FILIP1: variants seen among roughly 807,000 people sequenced by gnomAD.
FILIP1 encodes filamin A interacting protein 1.
In FILIP1, 61 loss-of-function variants were observed where a neutral mutation model predicts 102.1. The ratio of observed to expected loss-of-function variants is 0.60; its 90% confidence interval spans 0.49 to 0.74. The LOEUF (loss-of-function observed/expected upper bound fraction) is 0.74, where lower values mean the gene tolerates loss of function less well. Ranked by LOEUF, FILIP1 falls within the 30% of genes least tolerant of loss-of-function variation. FILIP1 has a pLI of 0.00. For missense variants in FILIP1, 1,314 were observed against 1,441.2 expected, an observed-to-expected ratio of 0.91 and a Z score of 1.43; for synonymous variants, 491 against 526.9, an observed-to-expected ratio of 0.93 and a Z score of 0.93.
chr6:75,330,405 T>C (rs893628840), intron 4 of FILIP1, among the ~76,000 whole-genome samples: 11 of 152,160 alleles, frequency 7.2e-5, no homozygotes, highest in African/African-American at 2.7e-4. Flanking sequence ...TACACTTTTT[T>C]TCTCCTCTTG....
intron 1 of FILIP1, among the ~76,000 whole-genome samples, chr6:75,460,765 T>A (rs965935633): frequency 6.6e-6 from 1 of 152,168 alleles, no homozygotes; most frequent in African/African-American, 2.4e-5. Flanking sequence ...CAAGACAATA[T>A]GGCCAAAAGA....
chr6:75,308,617 T>G lies in FILIP1; in HGVS notation c.*74A>C. On this transcript the variant is annotated 3_prime_UTR_variant, in exon 6 of 6. Transcript: ENST00000237172. The stretch of plus-strand genomic sequence containing the variant: ...ACTTAAATTAGTACATGTAAAGAAC[T>G]GGCACAAACAGATGAAGGTTCACTT... 1 of 1,586,628 alleles carries G rather than the reference T, an allele frequency of 6.3e-7. No homozygotes were observed. Among genetic ancestry groups the G allele is most frequent in the South Asian group, 1.1e-5 (1 of 87,952 alleles).
chr6:75,391,399 C>T (rs778195686), intron 2 of FILIP1, among the ~76,000 whole-genome samples: 8 of 152,096 alleles, frequency 5.3e-5, no homozygotes, highest in African/African-American at 7.2e-5. Context: ...TATATTCCTT[C>T]GGTCCACTCT....
intron 1 of FILIP1, among the ~76,000 whole-genome samples, chr6:75,476,739 T>A (rs773301538): frequency 5.3e-5 from 8 of 152,224 alleles, no homozygotes; most frequent in African/African-American, 1.7e-4. Flanking sequence ...TTACAACCCT[T>A]GTACTTACAC....
At chr6:75,454,229 G>A (rs1236755077) in intron 1 of FILIP1, among the ~76,000 whole-genome samples, 1 of 152,138 alleles carries the variant, frequency 6.6e-6, no homozygotes, top group African/African-American at 2.4e-5. Context: ...TTTTATGGAT[G>A]TCAGTGGAGA....
At chr6:75,408,428 G>A (rs1331606818) in intron 2 of FILIP1, among the ~76,000 whole-genome samples, 2 of 152,160 alleles carry the variant, frequency 1.3e-5, no homozygotes, top group African/African-American at 4.8e-5. Flanking sequence ...AGGAGTTCAC[G>A]GGATACCTGG....
intron 2 of FILIP1, among the ~76,000 whole-genome samples, chr6:75,404,492 G>T (rs1776768125): frequency 6.6e-6 from 1 of 152,092 alleles, no homozygotes; most frequent in Non-Finnish European, 1.5e-5. Context: ...TTACACGCAG[G>T]CTTCTAAACA....
chr6:75,313,357 C>G lies in FILIP1; in HGVS notation c.2475G>C (p.Arg825=). The G allele has an allele frequency of 6.2e-7, 1 of 1,614,222 alleles. No individual in the cohort carries two copies. The highest frequency in any genetic ancestry group is 8.5e-7 in the Non-Finnish European group (1 of 1,180,042). ...TATGATTTTCTTCCTGGAAGGATTTCCGTATGAATACAGCTGGCGTTTCTT... is the reference window on the plus strand; with the variant it reads ...TATGATTTTCTTCCTGGAAGGATTTGCGTATGAATACAGCTGGCGTTTCTT... ...AEEETPAVFI[R]KSFQEENHIM... is the part of the protein sequence containing the mutation. Residue 825 remains arginine, a synonymous_variant, in exon 5 of 6, where the codon CGG becomes CGC. Transcript: ENST00000237172. This position sits in a 1 kb window ranked among gnomAD's most constrained non-coding sequence, Gnocchi z 4.2.
At chr6:75,332,923 C>T (rs1351097612) in intron 4 of FILIP1, among the ~76,000 whole-genome samples, 1 of 152,152 alleles carries the variant, frequency 6.6e-6, no homozygotes, top group Admixed American at 6.6e-5. Flanking sequence ...TTATACAGTG[C>T]TGGGCAAAGT....
Position 75,314,957 on chromosome 6 carries a change from T to C in FILIP1, c.875A>G (p.Asp292Gly). 6.2e-7 allele frequency: 1 copy of C among 1,614,176 alleles called. No homozygotes were observed. The highest frequency in any genetic ancestry group is 8.5e-7 in the Non-Finnish European group (1 of 1,180,012). The change falls in exon 5 of 6, where the codon GAC becomes GGC. Residue 292 changes from aspartate to glycine, a missense_variant. Physicochemically the swap from Asp to Gly is moderately conservative, Grantham distance 94 (BLOSUM62 -1). Transcript: ENST00000237172. Reference sequence around the variant, plus strand: ...TTCTAACTTGAGCAATTTCTGTCTGTCTTCTTTGGATTTGGAAGTAATGGC... The same window carrying C: ...TTCTAACTTGAGCAATTTCTGTCTGCCTTCTTTGGATTTGGAAGTAATGGC... The part of the protein sequence containing the change: ...LKAITSKSKE[D>G]RQKLLKLEVD...
At chr6:75,400,480 G>A (rs886848970) in intron 2 of FILIP1, among the ~76,000 whole-genome samples, 1 of 152,180 alleles carries the variant, frequency 6.6e-6, no homozygotes, top group African/African-American at 2.4e-5. Flanking sequence ...GTTTACCTAA[G>A]TGAGGCTATA....
chr6:75,483,808 T>G (rs1382244270), intron 1 of FILIP1, among the ~76,000 whole-genome samples: 25 of 152,208 alleles, frequency 1.6e-4, no homozygotes. Flanking sequence ...GCAAAGTGAT[T>G]AAGAGCTTAC....
chr6:75,397,615 G>C (rs1213069277), intron 2 of FILIP1, among the ~76,000 whole-genome samples: 3 of 147,292 alleles, frequency 2.0e-5, no homozygotes, highest in African/African-American at 7.6e-5. Flanking sequence ...ATTCCAAGTT[G>C]GCAGGAATTA....
At chr6:75,355,229 A>G (rs1018381602) in intron 3 of FILIP1, among the ~76,000 whole-genome samples, 2 of 152,020 alleles carry the variant, frequency 1.3e-5, no homozygotes, top group African/African-American at 4.8e-5. Flanking sequence ...CGGGAGGCAG[A>G]GGTTGTAGTA....
intron 4 of FILIP1, among the ~76,000 whole-genome samples, chr6:75,348,690 C>T (rs1017501098): frequency 1.3e-5 from 2 of 152,178 alleles, no homozygotes; most frequent in Admixed American, 1.3e-4. Context: ...TGGAGGAGGG[C>T]TTTATTAAGC....
intron 1 of FILIP1, among the ~76,000 whole-genome samples, chr6:75,436,254 C>T (rs779139750): frequency 6.6e-6 from 1 of 151,998 alleles, no homozygotes; most frequent in Admixed American, 6.6e-5. Context: ...TGCCTGTAAT[C>T]CCAGCTACTT....
intron 2 of FILIP1, 37 bp downstream of exon 2, chr6:75,414,660 C>CA (rs1777189402): frequency 6.3e-7 from 1 of 1,584,476 alleles, no homozygotes; most frequent in Non-Finnish European, 8.6e-7. Context: ...GCTTAGAAAC[C>CA]AAAGACACAA....
chr6:75,353,399 C>T lies in FILIP1; in HGVS notation c.629+140G>A, dbSNP rs527326355. 107 of 758,680 alleles carry T rather than the reference C, an allele frequency of 1.4e-4. 1 individual carries two copies. In the South Asian group the frequency reaches 1.8e-3, roughly 13 times the overall value. The allele number at this position is 758,680 out of a possible 1,614,324, so 47.0% of individuals were successfully genotyped here. A position where few individuals can be genotyped will look rare whatever the true frequency, so the allele number is the denominator to read the frequency against. ...AATTCTGTATCATTCTCTATGGTTACCACCCATTCAAAAATTGACATTAGA... is the reference window on the plus strand; with the variant it reads ...AATTCTGTATCATTCTCTATGGTTATCACCCATTCAAAAATTGACATTAGA... On this transcript the variant is annotated intron_variant, in intron 4 of 5. Transcript: ENST00000237172.
intron 4 of FILIP1, among the ~76,000 whole-genome samples, chr6:75,350,155 T>G (rs1235052538): frequency 6.6e-6 from 1 of 152,034 alleles, no homozygotes; most frequent in African/African-American, 2.4e-5. Flanking sequence ...GCCCACGGCA[T>G]GTGCACTGGT....
Sources: allele counts gnomAD v4.1 joint callset (sites outside exome capture counted in the v4.1 genomes callset), GRCh38; gene constraint gnomAD v4.1.1; non-coding constraint Gnocchi (gnomAD v3.1); transcripts MANE v1.5; gene names NCBI Gene and HGNC (gene_info 2026-07-23, HGNC 2026-07-21).